The following NALCN variants were observed in gnomAD, a reference collection of about 807,000 sequenced individuals.
NALCN encodes sodium leak channel, non-selective.
NALCN carries 111 observed loss-of-function variants against 225.3 expected under a neutral mutation model. The observed-to-expected ratio is 0.49, with a 90% CI of 0.42 to 0.58. NALCN has a LOEUF of 0.58. Ranked by LOEUF, NALCN falls within the 20% of genes least tolerant of loss-of-function variation. The pLI is 0.00. For synonymous variants in NALCN, 764 were observed against 769.0 expected (o/e 0.99, Z 0.11); for missense variants, 1,378 against 2,202.4 (o/e 0.63, Z 7.49).
At chr13:101,382,892 C>T (rs1357890450) in intron 3 of NALCN, among the ~76,000 whole-genome samples, 1 of 152,140 alleles carries the variant, frequency 6.6e-6, no homozygotes, top group Non-Finnish European at 1.5e-5. Context: ...ATGCAGTGGT[C>T]AATCAGAATT....
At chr13:101,337,792 C>A (rs1439723651) in intron 7 of NALCN, among the ~76,000 whole-genome samples, 1 of 152,184 alleles carries the variant, frequency 6.6e-6, no homozygotes, top group Non-Finnish European at 1.5e-5. Flanking sequence ...TTACTCATGG[C>A]TGGCTACTCT....
chr13:101,376,820 C>G lies in NALCN; in HGVS notation c.524G>C (p.Gly175Ala). 1 of 1,612,668 alleles carries G rather than the reference C, an allele frequency of 6.2e-7. No individual in the cohort carries two copies. Among genetic ancestry groups the G allele is most frequent in the Non-Finnish European group, 8.5e-7 (1 of 1,179,682 alleles). Residue 175 changes from glycine (G) to alanine (A), a missense_variant, in exon 6 of 44, where the codon GGA becomes GCA. This residue lies in a region of NALCN where 14 missense variants were observed against 58.2 expected (regional missense o/e 0.24). Transcript: ENST00000251127. ...AATGGAAACACTCCATATTTGTTCT[C>G]CCGATCGCCTAGAGAAACAAAAGTA... ...TRITNILKRSGEQIWSVSIFL... is the reference protein window; with the variant it reads ...TRITNILKRSAEQIWSVSIFL...
At chr13:101,180,841 G>GTC (rs34427526) in intron 14 of NALCN, 45 of 336,672 alleles carry the variant, frequency 1.3e-4, no homozygotes, top group Middle Eastern at 1.1e-3. Flanking sequence ...AACACGCTTT[G>GTC]TCTCTCTCTC....
intron 15 of NALCN, among the ~76,000 whole-genome samples, chr13:101,174,309 G>C (rs1236423464): frequency 6.6e-6 from 1 of 152,142 alleles, no homozygotes; most frequent in Non-Finnish European, 1.5e-5. Context: ...TTGTAGGCTA[G>C]TGCAATTGGA....
chr13:101,103,085 C>T (rs1389808654), intron 26 of NALCN, 87 bp downstream of exon 26: 17 of 1,471,412 alleles, frequency 1.2e-5, no homozygotes, highest in African/African-American at 4.2e-5. Context: ...TTGAATTGAC[C>T]TCAATAAGCA....
chr13:101,064,026 A>G (rs2032171005), intron 40 of NALCN, among the ~76,000 whole-genome samples: 1 of 152,246 alleles, frequency 6.6e-6, no homozygotes, highest in African/African-American at 2.4e-5. Context: ...GCAGTGATAA[A>G]GTAACATAAG....
At chr13:101,271,187 A>C (rs2042764072) in intron 10 of NALCN, among the ~76,000 whole-genome samples, 2 of 152,190 alleles carry the variant, frequency 1.3e-5, no homozygotes, top group African/African-American at 4.8e-5. Flanking sequence ...AAGACAGATA[A>C]ACAAATAAAT....
At position 101,274,120 on chromosome 13, in the gene NALCN, A is replaced by G. The variant is rs1220402105; in HGVS notation, c.1134+9813T>C. On this transcript the variant is annotated intron_variant, in intron 10 of 43. Coordinates refer to ENST00000251127, the MANE Select transcript of NALCN (RefSeq NM_052867.4). ...CCTATCATCCGGAGAGCCATCTGCC[A>G]TATCTCAGAGAGTCAAAGGTGCTCA... Among the ~76,000 whole-genome samples the G allele has an allele frequency of 2.6e-5, 4 of 152,168 alleles. No homozygotes were observed. The East Asian group carries it at 5.8e-4, about 22-fold the overall frequency.
chr13:101,194,157 G>A (rs964985664), intron 13 of NALCN, among the ~76,000 whole-genome samples: 3 of 152,126 alleles, frequency 2.0e-5, no homozygotes, highest in Non-Finnish European at 4.4e-5. Flanking sequence ...GCTTGGGAAC[G>A]TGGAGTTATG....
intron 13 of NALCN, among the ~76,000 whole-genome samples, chr13:101,220,424 T>C (rs2040892809): frequency 6.6e-6 from 1 of 152,230 alleles, no homozygotes; most frequent in South Asian, 2.1e-4. Flanking sequence ...GTAAGACCAA[T>C]TGGTGATGCT....
At position 101,055,094 on chromosome 13, in the gene NALCN, AT is replaced by A. The variant is rs2031048861; in HGVS notation, c.*200del. ...TTATCAGTACTGTCATTATACAAAA[AT>A]TTTTTTGAGCAATGATTGATAGTAA... On this transcript the variant is annotated 3_prime_UTR_variant, in exon 44 of 44. Transcript: ENST00000251127. The A allele has an allele frequency of 1.6e-5, 9 of 558,920 alleles. No homozygotes were observed. The highest frequency in any genetic ancestry group is 3.4e-5 in the Admixed American group (1 of 29,220). 34.6% of individuals were successfully genotyped at this position (558,920 alleles called of 1,614,324 possible).
intron 7 of NALCN, among the ~76,000 whole-genome samples, chr13:101,296,232 T>C (rs918343384): frequency 6.6e-6 from 1 of 152,214 alleles, no homozygotes; most frequent in African/African-American, 2.4e-5. Context: ...GTATCTTTCA[T>C]TTCTGTACCA....
chr13:101,370,357 A>G (rs908503762), intron 6 of NALCN, among the ~76,000 whole-genome samples: 6 of 152,244 alleles, frequency 3.9e-5, no homozygotes, highest in African/African-American at 1.4e-4. Context: ...ATGTCAAAAC[A>G]TAAGAAGGAA....
At chr13:101,211,525 A>G (rs1209277763) in intron 13 of NALCN, among the ~76,000 whole-genome samples, 1 of 152,006 alleles carries the variant, frequency 6.6e-6, no homozygotes, top group Non-Finnish European at 1.5e-5. Flanking sequence ...TATGCCACAG[A>G]TGAGTCACCA....
At chr13:101,323,365 T>C (rs2044823358) in intron 7 of NALCN, among the ~76,000 whole-genome samples, 2 of 152,208 alleles carry the variant, frequency 1.3e-5, no homozygotes, top group South Asian at 2.1e-4. Context: ...TTACAAATTT[T>C]ACGGCATAAT....
At chr13:101,062,308 C>T (rs1164489002) in intron 40 of NALCN, among the ~76,000 whole-genome samples, 190 bp from the exon 41 acceptor site, 1 of 152,164 alleles carries the variant, frequency 6.6e-6, no homozygotes, top group Non-Finnish European at 1.5e-5. Context: ...GTCTGTAAAA[C>T]AAAGATGATA....
In NALCN at chr13:101,380,402, TA is replaced by T. The variant is rs983537712; in HGVS notation, c.292-1750del. On this transcript the variant is annotated intron_variant, in intron 3 of 43. Transcript: ENST00000251127. The stretch of plus-strand genomic sequence containing the variant: ...AGAATGCTTTAATAACATGGGAATT[TA>T]AAAAATGCCTTTGGAATAATAAAAC... 8.5e-5 allele frequency among the ~76,000 whole-genome samples: 13 copies of T among 152,258 alleles called. No homozygotes were observed. In the South Asian group the frequency reaches 1.9e-3, roughly 22 times the overall value.
intron 6 of NALCN, among the ~76,000 whole-genome samples, chr13:101,357,213 AG>A (rs1470685576): frequency 3.3e-5 from 5 of 152,302 alleles, no homozygotes; most frequent in Middle Eastern, 3.4e-3. Context: ...AAAGAAATAA[AG>A]GGTATTTAAA....
In NALCN at chr13:101,306,908, C is replaced by G. The variant is rs369275134; in HGVS notation, c.800-14542G>C. On this transcript the variant is annotated intron_variant, in intron 7 of 43. Coordinates refer to ENST00000251127, the MANE Select transcript of NALCN (RefSeq NM_052867.4). ...CAGGTGCTATTATCAGGTGCATTTTCTTGGACTCTGAGAACCCAGGCTCCT... is the reference window on the plus strand; with the variant it reads ...CAGGTGCTATTATCAGGTGCATTTTGTTGGACTCTGAGAACCCAGGCTCCT... Among the ~76,000 whole-genome samples the G allele has an allele frequency of 1.8e-4, 28 of 152,258 alleles. 1 individual carries two copies. Among genetic ancestry groups the G allele is most frequent in the African/African-American group, 5.5e-4 (23 of 41,536 alleles).
Sources: allele counts gnomAD v4.1 joint callset (sites outside exome capture counted in the v4.1 genomes callset), GRCh38; gene constraint gnomAD v4.1.1; regional missense constraint gnomAD v4.1.1; transcripts MANE v1.5; gene names NCBI Gene and HGNC (gene_info 2026-07-23, HGNC 2026-07-21).